Variants in COX10 observed in about 807,000 individuals in gnomAD.
The protein encoded by COX10 is cytochrome c oxidase assembly factor heme A:farnesyltransferase COX10.
COX10 carries 27 observed loss-of-function variants against 37.3 expected under a neutral mutation model. The ratio of observed to expected loss-of-function variants is 0.72; its 90% CI spans 0.53 to 1.00. COX10 has a LOEUF of 1.00. Ranked by LOEUF, COX10 falls within the 50% of genes least tolerant of loss-of-function variation. COX10 has a pLI of 0.00. For synonymous variants in COX10, 222 were observed against 229.1 expected (o/e 0.97, Z 0.28); for missense variants, 475 against 563.2 (o/e 0.84, Z 1.59).
In COX10 at chr17:14,073,520, A is replaced by C. The variant is rs575619744; in HGVS notation, c.44-803A>C. Among the ~76,000 whole-genome samples, 14 of 152,326 alleles carry C rather than the reference A, an allele frequency of 9.2e-5. No individual in the cohort carries two copies. The South Asian group carries it at 2.9e-3, about 32-fold the overall frequency. On this transcript the variant is annotated intron_variant, in intron 1 of 6. Transcript: ENST00000261643. The stretch of plus-strand genomic sequence containing the variant: ...TGGAAATAGACCTGATGACTCTAGA[A>C]ATGGTTTGAAGATCAGAAATTATCC...
intron 4 of COX10, among the ~76,000 whole-genome samples, chr17:14,112,072 A>G (rs1567593817): frequency 6.6e-6 from 1 of 152,170 alleles, no homozygotes; most frequent in Non-Finnish European, 1.5e-5. Context: ...TTGAGTGAGC[A>G]TGCACAAAGT....
chr17:14,194,878 C>T (rs1906321873), intron 6 of COX10, among the ~76,000 whole-genome samples: 1 of 152,128 alleles, frequency 6.6e-6, no homozygotes, highest in Non-Finnish European at 1.5e-5. Context: ...AATGAGACCC[C>T]TTTTCTACCC....
rs199737206 is a variant in COX10 at position 14,207,186 on chromosome 17, C to G, written c.1305C>G (p.Gly435=). 48 of 1,601,962 alleles carry G rather than the reference C, an allele frequency of 3.0e-5. No homozygotes were observed. The African/African-American group carries it at 6.0e-4, about 20-fold the overall frequency. The change falls in exon 7 of 7, where the codon GGC becomes GGG. Residue 435 remains glycine, a synonymous_variant. Coordinates refer to ENST00000261643, the MANE Select transcript of COX10 (RefSeq NM_001303.4). ...TCACCTGCAAGCGGCCGAGCGGAGG[C>G]GGGGACGCAGGGCCCCCTCCCAGCT... The part of the protein sequence containing the change: ...LMLTCKRPSG[G]GDAGPPPS
intron 4 of COX10, among the ~76,000 whole-genome samples, chr17:14,139,584 C>T (rs763906703): frequency 8.6e-5 from 13 of 152,022 alleles, no homozygotes; most frequent in South Asian, 6.2e-4. Flanking sequence ...AATAAGTAAA[C>T]GGGATTTCTT....
intron 3 of COX10, among the ~76,000 whole-genome samples, chr17:14,087,846 C>G (rs1915445873): frequency 6.6e-6 from 1 of 152,098 alleles, no homozygotes; most frequent in African/African-American, 2.4e-5. Context: ...AAGAATACCA[C>G]AGTGTGCCAA....
intron 3 of COX10, among the ~76,000 whole-genome samples, chr17:14,078,366 G>A (rs546603434): frequency 6.6e-6 from 1 of 152,278 alleles, no homozygotes; most frequent in South Asian, 2.1e-4. Flanking sequence ...AGCTTCATGT[G>A]TGCCATCACT....
chr17:14,180,382 CTG>C (rs1264886763), intron 5 of COX10, among the ~76,000 whole-genome samples: 1 of 152,170 alleles, frequency 6.6e-6, no homozygotes, highest in African/African-American at 2.4e-5. Context: ...TAAAATAAAA[CTG>C]TTCTCTATTA....
intron 4 of COX10, among the ~76,000 whole-genome samples, chr17:14,132,983 A>T (rs1294391339): frequency 7.2e-5 from 11 of 151,734 alleles, no homozygotes; most frequent in Admixed American, 5.9e-4. Context: ...CAACTCAATC[A>T]ATTTGGAAAT....
rs540656233 is a variant in COX10, at chr17:14,071,824, C to A, written c.43+2176C>A. Among the ~76,000 whole-genome samples, 279 of 151,928 alleles carry A rather than the reference C, an allele frequency of 1.8e-3. 4 individuals are homozygous for A. Among genetic ancestry groups the A allele is most frequent in the African/African-American group, 6.4e-3 (267 of 41,426 alleles). ...CTGAGGCAGGTGAATCGCTTGAATC[C>A]AGGAGGCAGAGGTTGTAGTGAGCCA... On this transcript the variant is annotated intron_variant, in intron 1 of 6. Transcript: ENST00000261643.
At chr17:14,182,081 A>T in intron 5 of COX10, 1 of 981,476 alleles carries the variant, frequency 1.0e-6, no homozygotes, top group East Asian at 1.1e-4. Flanking sequence ...TTCAGAACTC[A>T]TTCAGCGTAG....
At chr17:14,078,924 C>T (rs1390550398) in intron 3 of COX10, among the ~76,000 whole-genome samples, 1 of 152,090 alleles carries the variant, frequency 6.6e-6, no homozygotes. Context: ...TATTTGTTCC[C>T]CCGCCTCCAT....
intron 4 of COX10, among the ~76,000 whole-genome samples, chr17:14,117,033 T>C (rs1916130033): frequency 6.6e-6 from 1 of 152,248 alleles, no homozygotes; most frequent in South Asian, 2.1e-4. Context: ...CATGGGCTTA[T>C]GTTCACCATG....
intron 4 of COX10, among the ~76,000 whole-genome samples, chr17:14,146,594 G>GTAA (rs536023310): frequency 1.2e-3 from 181 of 152,238 alleles, no homozygotes; most frequent in African/African-American, 4.2e-3. Flanking sequence ...GATTTCTTGA[G>GTAA]TAATACCCCA....
At chr17:14,093,164 G>T (rs1915565681) in intron 3 of COX10, among the ~76,000 whole-genome samples, 1 of 152,126 alleles carries the variant, frequency 6.6e-6, no homozygotes, top group Non-Finnish European at 1.5e-5. Flanking sequence ...GTTTCATTTA[G>T]CCAGTGGCTT....
At chr17:14,083,133 A>C (rs1915334738) in intron 3 of COX10, among the ~76,000 whole-genome samples, 3 of 152,198 alleles carry the variant, frequency 2.0e-5, no homozygotes, top group African/African-American at 7.2e-5. Context: ...ACCTACACAC[A>C]CAGATGGAAA....
chr17:14,136,931 G>A (rs548895929), intron 4 of COX10, among the ~76,000 whole-genome samples: 11 of 151,878 alleles, frequency 7.2e-5, no homozygotes, highest in Non-Finnish European at 1.6e-4. Flanking sequence ...AAAACTTCAA[G>A]TTTACTTAGA....
intron 5 of COX10, among the ~76,000 whole-genome samples, chr17:14,187,915 C>A (rs557121399): frequency 6.6e-6 from 1 of 152,196 alleles, no homozygotes; most frequent in South Asian, 2.1e-4. Flanking sequence ...ATTTAAACAC[C>A]AAAATTGAGC....
At chr17:14,193,506 G>A (rs1906274447) in intron 6 of COX10, among the ~76,000 whole-genome samples, 1 of 149,446 alleles carries the variant, frequency 6.7e-6, no homozygotes, top group African/African-American at 2.4e-5. Context: ...TGTAAGCTGA[G>A]CGATGCAGCC....
intron 3 of COX10, among the ~76,000 whole-genome samples, chr17:14,081,121 A>ACATC: frequency 6.6e-6 from 1 of 152,360 alleles, no homozygotes; most frequent in Middle Eastern, 3.4e-3. Context: ...AGCATATATC[A>ACATC]TGCCGCAGTG....
Sources: gnomAD v4.1 joint callset for allele counts (sites outside exome capture counted in the v4.1 genomes callset) on GRCh38, gnomAD v4.1.1 for gene constraint, MANE v1.5 for transcripts, NCBI Gene and HGNC (gene_info 2026-07-23, HGNC 2026-07-21) for gene names.